PPFIA2: variants seen among roughly 807,000 people sequenced by gnomAD.
PPFIA2 encodes the protein liprin-alpha-2.
A neutral mutation model predicts 175.5 loss-of-function variants in PPFIA2; 46 were observed. That is an observed-to-expected ratio of 0.26 (90% confidence interval 0.21 to 0.34). The LOEUF is 0.34. Among genes scored for constraint, PPFIA2 ranks in the 10% least tolerant of loss-of-function variants. The probability of loss-of-function intolerance (pLI) is 1.00; values close to 1 mark genes in which losing one functional copy is unlikely to be tolerated. For missense variants in PPFIA2, 1,179 were observed against 1,506.1 expected (o/e 0.78, Z 3.60); for synonymous variants, 568 against 511.4 (o/e 1.11, Z -1.49).
At chr12:81,593,672 G>A (rs2058931171) in intron 4 of PPFIA2, among the ~76,000 whole-genome samples, 1 of 152,152 alleles carries the variant, frequency 6.6e-6, no homozygotes. Flanking sequence ...AGGAATGGGT[G>A]AAGGCTTCAC....
intron 7 of PPFIA2, among the ~76,000 whole-genome samples, chr12:81,414,860 A>T (rs139976771): frequency 0.014 from 2,099 of 151,486 alleles, 121 homozygotes; most frequent in Admixed American, 0.1. Context: ...GCTATTTATT[A>T]ATTGGGAAAC....
intron 7 of PPFIA2, among the ~76,000 whole-genome samples, chr12:81,425,627 G>A (rs1566774967): frequency 2.0e-5 from 3 of 152,092 alleles, no homozygotes; most frequent in Admixed American, 2.0e-4. Context: ...ACCCAACTTG[G>A]GCTCCCAAAG....
Position 81,277,404 on chromosome 12 carries a change from G to T in PPFIA2, c.3223C>A (p.Gln1075Lys), listed in dbSNP as rs1593626523. 9.4e-6 allele frequency: 14 copies of T among 1,481,760 alleles called. No individual in the cohort carries two copies. The highest frequency in any genetic ancestry group is 2.1e-4 in the Middle Eastern group (1 of 4,656). 91.8% of individuals were successfully genotyped at this position (1,481,760 alleles called of 1,614,324 possible). The change falls in exon 28 of 33, where the codon CAA (glutamine) becomes AAA (lysine). Residue 1075 changes from glutamine (Q) to lysine (K), a missense_variant. Around this residue, in one of 10 missense-constraint regions of PPFIA2, gnomAD observed 245 missense variants for 375.1 expected, o/e 0.65. Transcript: ENST00000549396. Reference protein sequence around the residue: ...MVDSFHRTSLQYGIMCLKRLN... With the variant: ...MVDSFHRTSLKYGIMCLKRLN... ...CTCTTTAAGCACATAATTCCATATTGTAAACTTGTTCTTTTTTTTTTATTA... is the reference window on the plus strand; with the variant it reads ...CTCTTTAAGCACATAATTCCATATTTTAAACTTGTTCTTTTTTTTTTATTA...
At chr12:81,417,627 C>T (rs1486421374) in intron 7 of PPFIA2, among the ~76,000 whole-genome samples, 1 of 151,660 alleles carries the variant, frequency 6.6e-6, no homozygotes, top group Non-Finnish European at 1.5e-5. Flanking sequence ...ATTGTTCTGG[C>T]CAATTCCTTT....
At chr12:81,360,164 T>C (rs1383621053) in intron 15 of PPFIA2, among the ~76,000 whole-genome samples, 1 of 151,890 alleles carries the variant, frequency 6.6e-6, no homozygotes, top group East Asian at 1.9e-4. Flanking sequence ...CTCATCTCTC[T>C]CCTCTTTTTT....
chr12:81,548,550 C>T (rs1295705160), intron 4 of PPFIA2, among the ~76,000 whole-genome samples: 1 of 152,084 alleles, frequency 6.6e-6, no homozygotes. Flanking sequence ...CTAGACTGCA[C>T]TTAAACTCCT....
At chr12:81,324,878 C>T (rs2139760258) in intron 22 of PPFIA2, among the ~76,000 whole-genome samples, 1 of 151,996 alleles carries the variant, frequency 6.6e-6, no homozygotes, top group South Asian at 2.1e-4. Flanking sequence ...TGTTCTGCAA[C>T]TTGTAAGTAT....
intron 3 of PPFIA2, among the ~76,000 whole-genome samples, chr12:81,725,359 A>C (rs1460055084): frequency 6.6e-6 from 1 of 151,000 alleles, no homozygotes; most frequent in Non-Finnish European, 1.5e-5. Flanking sequence ...GTTTCTGATC[A>C]CAGTGCATTA....
chr12:81,284,094 G>C, intron 25 of PPFIA2, 147 bp downstream of exon 25: 1 of 644,800 alleles, frequency 1.6e-6, no homozygotes, highest in South Asian at 2.0e-5. Context: ...TGCAGTAAAA[G>C]AAAACTGTAA....
chr12:81,364,546 C>G (rs1357777892), intron 14 of PPFIA2, among the ~76,000 whole-genome samples: 3 of 151,688 alleles, frequency 2.0e-5, no homozygotes, highest in East Asian at 1.9e-4. Context: ...ACCACTGCAC[C>G]TGGCTAATTT....
chr12:81,402,354 AT>A (rs1443536427), intron 8 of PPFIA2, among the ~76,000 whole-genome samples: 1 of 151,598 alleles, frequency 6.6e-6, no homozygotes, highest in Non-Finnish European at 1.5e-5. Context: ...TAAAAAAAAA[AT>A]AAGTATTAGG....
rs1042441303 is a variant in PPFIA2, at chr12:81,259,428, C to T, written c.*266G>A. On this transcript the variant is annotated 3_prime_UTR_variant, in exon 33 of 33. Coordinates refer to ENST00000549396, the MANE Select transcript of PPFIA2 (RefSeq NM_003625.5). ...TCATTTCATAAAAGCATCTGTTGTA[C>T]AGAGTTTATGATGTAGATGATGTTT... The T allele has an allele frequency of 1.5e-6, 1 of 662,172 alleles. No individual in the cohort carries two copies. The highest frequency in any genetic ancestry group is 1.8e-5 in the African/African-American group (1 of 55,288). The allele number at this position is 662,172 out of a possible 1,614,324, so 41.0% of individuals were successfully genotyped here.
intron 4 of PPFIA2, among the ~76,000 whole-genome samples, chr12:81,660,042 T>C (rs1420470399): frequency 1.3e-5 from 2 of 151,914 alleles, no homozygotes; most frequent in Non-Finnish European, 2.9e-5. Flanking sequence ...CAAAACCCCA[T>C]CTGTACATCA....
chr12:81,705,615 A>C (rs116958010), intron 3 of PPFIA2, among the ~76,000 whole-genome samples: 1 of 152,190 alleles, frequency 6.6e-6, no homozygotes, highest in Non-Finnish European at 1.5e-5. Flanking sequence ...TACAAGCACA[A>C]TATCTCAGTG....
rs571301831 is a variant in PPFIA2 at position 81,258,010 on chromosome 12, T to C, written c.*1684A>G. 3 of 152,284 alleles carry C rather than the reference T, an allele frequency of 2.0e-5. No individual in the cohort carries two copies. Among genetic ancestry groups the C allele is most frequent in the South Asian group, 2.1e-4 (1 of 4,826 alleles). 9.4% of individuals were successfully genotyped at this position (152,284 alleles called of 1,614,324 possible). A position where few individuals can be genotyped will look rare whatever the true frequency, so the allele number is the denominator to read the frequency against. On this transcript the variant is annotated 3_prime_UTR_variant, in exon 33 of 33. Transcript: ENST00000549396. ...TGGCATTATAATGTCGTAGTTCCTA[T>C]ATTCTATTTCATTTCTATGAATCAA...
At chr12:81,261,833 T>A (rs1456356795) in intron 32 of PPFIA2, 116 bp downstream of exon 32, 2 of 632,720 alleles carry the variant, frequency 3.2e-6, no homozygotes, top group Non-Finnish European at 5.3e-6. Flanking sequence ...TTCAAAAGGG[T>A]TATCTCATTT....
intron 4 of PPFIA2, among the ~76,000 whole-genome samples, chr12:81,575,392 T>C (rs1005644826): frequency 2.0e-5 from 3 of 151,860 alleles, no homozygotes; most frequent in South Asian, 2.1e-4. Context: ...TAGTGCTGTA[T>C]AATAATTTTT....
At chr12:81,471,697 T>C (rs1365576364) in intron 4 of PPFIA2, among the ~76,000 whole-genome samples, 2 of 152,108 alleles carry the variant, frequency 1.3e-5, no homozygotes, top group East Asian at 3.9e-4. Context: ...TCATCTTATT[T>C]TTAATTTTTT....
chr12:81,294,785 A>G, intron 24 of PPFIA2, 50 bp downstream of exon 24: 1 of 1,563,642 alleles, frequency 6.4e-7, no homozygotes, highest in Non-Finnish European at 8.7e-7. Flanking sequence ...ACTTAGACAC[A>G]CGGCTATTTG....
Sources: allele counts gnomAD v4.1 joint callset (sites outside exome capture counted in the v4.1 genomes callset), GRCh38; gene constraint gnomAD v4.1.1; regional missense constraint gnomAD v4.1.1; transcripts MANE v1.5; gene names NCBI Gene and HGNC (gene_info 2026-07-23, HGNC 2026-07-21).